DHRS9: variants seen among roughly 807,000 people sequenced by gnomAD.
The protein encoded by DHRS9 is dehydrogenase/reductase SDR family member 9.
DHRS9 carries 18 observed loss-of-function variants against 26.6 expected under a neutral mutation model. That is an observed-to-expected ratio of 0.68 (90% CI 0.47 to 1.00). The LOEUF is 1.00. DHRS9 is among the 50% of genes least tolerant of loss of function. The pLI is 0.00. For missense variants in DHRS9, 425 were observed against 378.7 expected, an observed-to-expected ratio of 1.12 and a Z score of -1.01; for synonymous variants, 134 against 141.1, an observed-to-expected ratio of 0.95 and a Z score of 0.36.
At chr2:169,076,830 T>C (rs1460883521) in intron 1 of DHRS9, among the ~76,000 whole-genome samples, 2 of 152,232 alleles carry the variant, frequency 1.3e-5, no homozygotes, top group East Asian at 3.8e-4. Context: ...TTAACACATA[T>C]TTTGTATATG....
At chr2:169,089,880 G>A (rs546510827) in intron 3 of DHRS9, among the ~76,000 whole-genome samples, 9 of 152,222 alleles carry the variant, frequency 5.9e-5, no homozygotes, top group South Asian at 4.1e-4. Context: ...ATGGTTCAGG[G>A]ATCACACTTT....
chr2:169,074,382 G>A (rs1334627000), intron 1 of DHRS9: 1 of 985,258 alleles, frequency 1.0e-6, no homozygotes, highest in African/African-American at 1.7e-5. Flanking sequence ...ACTGCCTCGA[G>A]CCAAGAGATT....
At chr2:169,076,109 A>G (rs895859284) in intron 1 of DHRS9, among the ~76,000 whole-genome samples, 1 of 152,114 alleles carries the variant, frequency 6.6e-6, no homozygotes, top group Non-Finnish European at 1.5e-5. Flanking sequence ...TCTGACACTT[A>G]TTAGATGGCA....
In DHRS9 at chr2:169,081,234, G is replaced by A. The variant is rs555126171; in HGVS notation, c.-59-289G>A. On this transcript the variant is annotated intron_variant, in intron 1 of 4. Transcript: ENST00000674881. Reference sequence around the variant, plus strand: ...AATACCATCACTCCACATAGCTCCAGCTGGCCGTGGCAACTCAATGGCTTG... The same window carrying A: ...AATACCATCACTCCACATAGCTCCAACTGGCCGTGGCAACTCAATGGCTTG... 5 of 936,404 alleles carry A rather than the reference G, an allele frequency of 5.3e-6. No individual in the cohort carries two copies. The East Asian group carries it at 2.6e-4, about 49-fold the overall frequency. The allele number at this position is 936,404 out of a possible 1,614,324, so 58.0% of individuals were successfully genotyped here.
intron 3 of DHRS9, among the ~76,000 whole-genome samples, chr2:169,089,125 G>T (rs1383752594): frequency 6.6e-6 from 1 of 152,136 alleles, no homozygotes; most frequent in Non-Finnish European, 1.5e-5. Context: ...ATGCTTAAAG[G>T]ACTTATAAAC....
chr2:169,081,529 ATCT>A lies in DHRS9; in HGVS notation c.-48_-46del, dbSNP rs1438898880. On this transcript the variant is annotated 5_prime_UTR_variant, in exon 2 of 5. Transcript: ENST00000674881. The stretch of plus-strand genomic sequence containing the variant: ...TTTCACTTTGAACACTCAGGACACC[ATCT>A]TCTTGTATTATACAAGAAAGGAGTG... The A allele has an allele frequency of 3.2e-6, 5 of 1,567,432 alleles. No individual in the cohort carries two copies. Among genetic ancestry groups the A allele is most frequent in the East Asian group, 2.2e-5 (1 of 44,522 alleles).
chr2:169,068,757 G>A (rs138502038), upstream of DHRS9, among the ~76,000 whole-genome samples: 1 of 152,290 alleles, frequency 6.6e-6, no homozygotes, highest in East Asian at 1.9e-4. Context: ...AATCAGAAGA[G>A]TATAGCAACA....
At chr2:169,073,739 T>A (rs1051064763) in intron 1 of DHRS9, among the ~76,000 whole-genome samples, 1 of 152,150 alleles carries the variant, frequency 6.6e-6, no homozygotes, top group African/African-American at 2.4e-5. Context: ...ATATGAGTAA[T>A]TTTTATAAGT....
chr2:169,091,963 C>T lies in DHRS9; in HGVS notation c.736+10C>T, dbSNP rs752259981. 19 of 1,612,266 alleles carry T rather than the reference C, an allele frequency of 1.2e-5. No homozygotes were observed. The highest frequency in any genetic ancestry group is 6.7e-5 in the Admixed American group (4 of 59,742). Reference sequence around the variant, plus strand: ...GGTTACATTGAAAAAAGTGAGTTTCCGGGCGGTGCCAATGTCCTCTAGAAT... The same window carrying T: ...GGTTACATTGAAAAAAGTGAGTTTCTGGGCGGTGCCAATGTCCTCTAGAAT... On this transcript the variant is annotated intron_variant, in intron 4 of 4. Coordinates refer to ENST00000674881, the MANE Select transcript of DHRS9 (RefSeq NM_001376924.1).
At chr2:169,073,822 A>C (rs1453851267) in intron 1 of DHRS9, among the ~76,000 whole-genome samples, 1 of 152,226 alleles carries the variant, frequency 6.6e-6, no homozygotes, top group African/African-American at 2.4e-5. Flanking sequence ...CCAATGACTA[A>C]GTTTCCAGAA....
chr2:169,068,385 T>C (rs1683707182), upstream of DHRS9, among the ~76,000 whole-genome samples: 1 of 152,204 alleles, frequency 6.6e-6, no homozygotes, highest in Non-Finnish European at 1.5e-5. Flanking sequence ...TGGAGGGCAA[T>C]GGCGCGATCT....
chr2:169,067,577 C>A (rs1460053636), upstream of DHRS9, among the ~76,000 whole-genome samples: 1 of 151,982 alleles, frequency 6.6e-6, no homozygotes, highest in African/African-American at 2.4e-5. Flanking sequence ...ACAGTGCACT[C>A]CTTTGTTTTA....
rs1328464811 is a variant in DHRS9 at position 169,081,648 on chromosome 2, A to C, written c.67A>C (p.Lys23Gln). ...TCTGTGGACTCGTAAAGGAAAACTAAAGATTGAAGACATCACTGATAAGTA... is the reference window on the plus strand; with the variant it reads ...TCTGTGGACTCGTAAAGGAAAACTACAGATTGAAGACATCACTGATAAGTA... Reference protein sequence around the residue: ...GFLWTRKGKLKIEDITDKYIF... With the variant: ...GFLWTRKGKLQIEDITDKYIF... Residue 23 changes from lysine (K) to glutamine (Q), a missense_variant, in exon 2 of 5, where the codon AAG becomes CAG. Physicochemically the swap from Lys to Gln is moderately conservative, Grantham distance 53. Coordinates refer to ENST00000674881, the MANE Select transcript of DHRS9 (RefSeq NM_001376924.1). 1 of 1,614,062 alleles carries C rather than the reference A, an allele frequency of 6.2e-7. No individual in the cohort carries two copies. The highest frequency in any genetic ancestry group is 8.5e-7 in the Non-Finnish European group (1 of 1,180,032).
intron 3 of DHRS9, among the ~76,000 whole-genome samples, 169 bp from the exon 4 acceptor site, chr2:169,091,621 C>T (rs1684529526): frequency 6.6e-6 from 1 of 152,230 alleles, no homozygotes; most frequent in Non-Finnish European, 1.5e-5. Flanking sequence ...CCACTCTGAA[C>T]CTCAGTTTCC....
At chr2:169,092,055 C>T (rs538150253) in intron 4 of DHRS9, 102 bp downstream of exon 4, 43 of 1,256,918 alleles carry the variant, frequency 3.4e-5, no homozygotes, top group Middle Eastern at 2.1e-4. Flanking sequence ...GAGTAATACC[C>T]CAATAAGGAT....
chr2:169,088,481 T>C (rs2105299070), intron 3 of DHRS9, among the ~76,000 whole-genome samples: 1 of 152,318 alleles, frequency 6.6e-6, no homozygotes, highest in South Asian at 2.1e-4. Context: ...ATCACTCATC[T>C]GATTTTTGGT....
chr2:169,070,140 T>C (rs896399040), intron 1 of DHRS9: 25 of 985,292 alleles, frequency 2.5e-5, no homozygotes, highest in Non-Finnish European at 2.8e-5. Context: ...GTCTGATCTG[T>C]TTGTCTGTCC....
At chr2:169,088,273 C>G (rs367781076) in intron 3 of DHRS9, among the ~76,000 whole-genome samples, 1 of 152,164 alleles carries the variant, frequency 6.6e-6, no homozygotes, top group Non-Finnish European at 1.5e-5. Context: ...CAGGGCAGCA[C>G]TGAGTTCCAA....
chr2:169,079,839 C>T lies in DHRS9; in HGVS notation c.-59-1684C>T, dbSNP rs543572817. 1.7e-3 allele frequency among the ~76,000 whole-genome samples: 241 copies of T among 142,534 alleles called. 1 individual carries two copies. Among genetic ancestry groups the T allele is most frequent in the South Asian group, 2.5e-3 (11 of 4,330 alleles). The allele number at this position is 142,534 out of a possible 152,430, so 93.5% of individuals were successfully genotyped here. A position where few individuals can be genotyped will look rare whatever the true frequency, so the allele number is the denominator to read the frequency against. On this transcript the variant is annotated intron_variant, in intron 1 of 4. Transcript: ENST00000674881. ...TTGCACCACTGCACTCCAGCCTGGG[C>T]GACAACAGCGAAATTCCATCTGAAA...
Sources: gnomAD v4.1 joint callset for allele counts (sites outside exome capture counted in the v4.1 genomes callset) on GRCh38, gnomAD v4.1.1 for gene constraint, MANE v1.5 for transcripts, NCBI Gene and HGNC (gene_info 2026-07-23, HGNC 2026-07-21) for gene names.